The following PIP5K1B variants were observed in gnomAD, a reference collection of about 807,000 sequenced individuals.
The protein encoded by PIP5K1B is phosphatidylinositol 4-phosphate 5-kinase type-1 beta.
Under a neutral mutation model 67.0 loss-of-function variants are expected in PIP5K1B, and 42 were observed. That is an observed-to-expected ratio of 0.63 (90% confidence interval 0.49 to 0.81). The LOEUF (loss-of-function observed/expected upper bound fraction) is 0.81, where lower values mean the gene tolerates loss of function less well. Among genes scored for constraint, PIP5K1B ranks in the 30% least tolerant of loss-of-function variants. The pLI is 0.00. For missense variants in PIP5K1B, 459 were observed against 646.3 expected (o/e 0.71, Z 3.14); for synonymous variants, 214 against 231.4 (o/e 0.92, Z 0.68).
intron 2 of PIP5K1B, among the ~76,000 whole-genome samples, chr9:68,796,603 A>G (rs975643943): frequency 2.0e-5 from 3 of 152,218 alleles, no homozygotes; most frequent in South Asian, 2.1e-4. Context: ...GAGAGTTTTG[A>G]TAATGTCATC....
intron 4 of PIP5K1B, among the ~76,000 whole-genome samples, chr9:68,826,306 C>A (rs1265584458): frequency 6.6e-6 from 1 of 152,108 alleles, no homozygotes; most frequent in Non-Finnish European, 1.5e-5. Flanking sequence ...AACGAGGGGA[C>A]CATGGTAAAC....
chr9:68,958,858 CAG>C (rs1172539551), intron 14 of PIP5K1B, among the ~76,000 whole-genome samples: 14 of 152,048 alleles, frequency 9.2e-5, no homozygotes, highest in Admixed American at 9.2e-4. Flanking sequence ...GAATTGGTGA[CAG>C]AGAAAAGTAT....
chr9:68,710,073 G>A (rs772485287), intron 1 of PIP5K1B, among the ~76,000 whole-genome samples: 24 of 152,194 alleles, frequency 1.6e-4, no homozygotes, highest in Non-Finnish European at 2.9e-4. Context: ...TCTGTTAGAT[G>A]GTGAGTCAGA....
At chr9:68,776,705 T>G (rs1275451968) in intron 2 of PIP5K1B, among the ~76,000 whole-genome samples, 2 of 152,130 alleles carry the variant, frequency 1.3e-5, no homozygotes, top group Admixed American at 1.3e-4. Context: ...AGTTTAACTG[T>G]GGAATAGATG....
chr9:69,003,319 C>T (rs143369765), intron 15 of PIP5K1B, among the ~76,000 whole-genome samples: 67 of 152,172 alleles, frequency 4.4e-4, no homozygotes, highest in African/African-American at 1.6e-3. Flanking sequence ...ACTAAGCCTA[C>T]GATGGCCGAG....
chr9:68,949,532 T>C (rs1248362532), intron 14 of PIP5K1B, among the ~76,000 whole-genome samples: 3 of 152,250 alleles, frequency 2.0e-5, no homozygotes, highest in African/African-American at 7.2e-5. Context: ...GCCAGAAATA[T>C]AAAACCATAG....
intron 2 of PIP5K1B, among the ~76,000 whole-genome samples, chr9:68,752,820 A>G (rs1017256165): frequency 1.3e-5 from 2 of 152,212 alleles, no homozygotes; most frequent in Non-Finnish European, 2.9e-5. Context: ...TTTCTGCCAT[A>G]TGGTGCAGAT....
intron 14 of PIP5K1B, chr9:68,964,266 TCA>T (rs889201986): frequency 1.3e-5 from 2 of 152,222 alleles, no homozygotes; most frequent in Admixed American, 1.3e-4. Flanking sequence ...TGTTATACTA[TCA>T]CAGTGGACTG....
intron 2 of PIP5K1B, among the ~76,000 whole-genome samples, chr9:68,743,728 C>A (rs1829131930): frequency 6.6e-6 from 1 of 152,202 alleles, no homozygotes; most frequent in Admixed American, 6.5e-5. Flanking sequence ...AAGATGAGTT[C>A]TGTGTCATGT....
Position 68,866,275 on chromosome 9 carries a change from G to A in PIP5K1B, c.200+2308G>A, listed in dbSNP as rs530743924. On this transcript the variant is annotated intron_variant, in intron 5 of 15. Transcript: ENST00000265382. ...CCTGCCACTGCACTCCAGTCTGGGC[G>A]ACAGGGTGGTACTCTGTCTCAAAAA... Among the ~76,000 whole-genome samples the A allele has an allele frequency of 5.4e-5, 8 of 149,294 alleles. No individual in the cohort carries two copies. The East Asian group carries it at 9.8e-4, about 18-fold the overall frequency.
chr9:68,928,531 T>C (rs1258850610), intron 12 of PIP5K1B, among the ~76,000 whole-genome samples: 2 of 152,246 alleles, frequency 1.3e-5, no homozygotes, highest in Non-Finnish European at 2.9e-5. Context: ...ATGTTTTCTT[T>C]TCTTTAATCT....
intron 1 of PIP5K1B, among the ~76,000 whole-genome samples, chr9:68,706,656 A>G (rs753981038): frequency 6.6e-5 from 10 of 152,192 alleles, no homozygotes; most frequent in Non-Finnish European, 1.0e-4. Flanking sequence ...AACACCCACT[A>G]TCATCACTAC....
chr9:69,003,172 T>A (rs1286473675), intron 15 of PIP5K1B, among the ~76,000 whole-genome samples: 2 of 151,870 alleles, frequency 1.3e-5, no homozygotes, highest in Non-Finnish European at 2.9e-5. Context: ...TGATGTGATC[T>A]CATGGCAACG....
intron 13 of PIP5K1B, among the ~76,000 whole-genome samples, chr9:68,936,374 G>GTT (rs10629225): frequency 0.63 from 94,942 of 150,296 alleles, 33,359 homozygotes; most frequent in Non-Finnish European, 0.77. Flanking sequence ...TTTGCTAAAA[G>GTT]TTTTTTTTTT....
chr9:68,939,954 G>A (rs927305260), intron 13 of PIP5K1B, among the ~76,000 whole-genome samples: 25 of 152,174 alleles, frequency 1.6e-4, no homozygotes, highest in African/African-American at 6.0e-4. Context: ...AGAGAGATGG[G>A]CAGGGGTTAC....
intron 2 of PIP5K1B, among the ~76,000 whole-genome samples, chr9:68,790,936 C>T (rs1480011026): frequency 6.6e-6 from 1 of 152,090 alleles, no homozygotes; most frequent in African/African-American, 2.4e-5. Context: ...AATAAATACT[C>T]GGGGAGATGT....
Position 68,733,056 on chromosome 9 carries a change from T to C in PIP5K1B, c.-242-9445T>C, listed in dbSNP as rs116044747. On this transcript the variant is annotated intron_variant, in intron 1 of 15. Transcript: ENST00000265382. ...CCTCATAGCAGAAGGGAAAGTTATT[T>C]GATCTAGGTGTGGGCCGCAAGGTGA... Among the ~76,000 whole-genome samples the C allele has an allele frequency of 9.6e-3, 1,467 of 152,312 alleles. 28 individuals are homozygous for C. Among genetic ancestry groups the C allele is most frequent in the African/African-American group, 0.034 (1,394 of 41,558 alleles).
rs1373043426 is a variant in PIP5K1B, at chr9:68,705,245, T to G, written c.-760T>G. Among the ~76,000 whole-genome samples, 1 of 151,842 alleles carries G rather than the reference T, an allele frequency of 6.6e-6. No individual in the cohort carries two copies. On this transcript the variant is annotated 5_prime_UTR_variant, in exon 1 of 16. Transcript: ENST00000265382. ...CAGCCGCCGCGCAGCCGGCTCTCTC[T>G]GCGCCTCGCTCCGACTCCGGCGCGC... is the stretch of plus-strand genomic sequence containing the variant.
At chr9:68,837,563 G>C (rs1174127794) in intron 4 of PIP5K1B, among the ~76,000 whole-genome samples, 2 of 143,770 alleles carry the variant, frequency 1.4e-5, no homozygotes, top group Admixed American at 1.4e-4. Flanking sequence ...TGTTGCAGAT[G>C]CTTTTCCATT....
Sources: gnomAD v4.1 joint callset for allele counts (sites outside exome capture counted in the v4.1 genomes callset) on GRCh38, gnomAD v4.1.1 for gene constraint, MANE v1.5 for transcripts, NCBI Gene and HGNC (gene_info 2026-07-23, HGNC 2026-07-21) for gene names.